Variants in BICC1 observed in about 807,000 individuals in gnomAD.
The protein encoded by BICC1 is BicC family RNA binding protein 1, also known as protein bicaudal C homolog 1.
BICC1 carries 43 observed loss-of-function variants against 111.0 expected under a neutral mutation model. The observed-to-expected ratio is 0.39, with a 90% confidence interval of 0.30 to 0.50. BICC1 has a LOEUF of 0.50. BICC1 is among the 20% of genes least tolerant of loss of function. The pLI is 0.88. For synonymous variants in BICC1, 467 were observed against 434.4 expected (o/e 1.07, Z -0.93); for missense variants, 1,091 against 1,203.2 (o/e 0.91, Z 1.38).
chr10:58,611,378 T>C (rs919647002), intron 1 of BICC1, among the ~76,000 whole-genome samples: 4 of 152,208 alleles, frequency 2.6e-5, no homozygotes, highest in Admixed American at 1.3e-4. Context: ...TGTATCCATA[T>C]ATCTAAATAC....
chr10:58,589,877 T>G (rs1318766517), intron 1 of BICC1, among the ~76,000 whole-genome samples: 2 of 152,062 alleles, frequency 1.3e-5, no homozygotes, highest in African/African-American at 4.8e-5. Flanking sequence ...ATGGTCATAG[T>G]GCACTGCAGC....
At chr10:58,678,308 C>T (rs779749199) in intron 2 of BICC1, among the ~76,000 whole-genome samples, 3 of 152,006 alleles carry the variant, frequency 2.0e-5, no homozygotes, top group East Asian at 3.9e-4. Context: ...ACCTGTCTCA[C>T]GTGCAAAGAC....
intron 1 of BICC1, among the ~76,000 whole-genome samples, chr10:58,571,833 A>G (rs545014779): frequency 6.6e-6 from 1 of 152,224 alleles, no homozygotes; most frequent in South Asian, 2.1e-4. Context: ...AGAACGATTT[A>G]TATTCCTTTG....
rs143559335 is a variant in BICC1 at position 58,798,485 on chromosome 10, T to A, written c.1453T>A (p.Leu485Met). 27 of 1,613,302 alleles carry A rather than the reference T, an allele frequency of 1.7e-5. No homozygotes were observed. The African/African-American group carries it at 3.5e-4, about 21-fold the overall frequency. Residue 485 changes from leucine (L) to methionine (M), a missense_variant, in exon 11 of 21, where the codon TTG (leucine) becomes ATG (methionine). Leu to Met is a conservative substitution (Grantham distance 15). Around this residue, in one of 3 missense-constraint regions of BICC1, gnomAD observed 843 missense variants for 900.8 expected, o/e 0.94. Coordinates refer to ENST00000373886, the MANE Select transcript of BICC1 (RefSeq NM_001080512.3). Reference sequence around the variant, plus strand: ...TGCTCTTAATAGCTCAGTCAGTCCTTTGCAAAGTCCAAGTTCTGGTACACC... The same window carrying A: ...TGCTCTTAATAGCTCAGTCAGTCCTATGCAAAGTCCAAGTTCTGGTACACC... ...LNALNSSVSP[L>M]QSPSSGTPSP...
At chr10:58,753,743 T>G (rs1842058538) in intron 3 of BICC1, among the ~76,000 whole-genome samples, 1 of 151,976 alleles carries the variant, frequency 6.6e-6, no homozygotes, top group African/African-American at 2.4e-5. Flanking sequence ...CATCCCTCCT[T>G]TATATTTTTC....
At chr10:58,688,379 T>G (rs1264322056) in intron 2 of BICC1, among the ~76,000 whole-genome samples, 1 of 151,996 alleles carries the variant, frequency 6.6e-6, no homozygotes, top group Non-Finnish European at 1.5e-5. Flanking sequence ...TTTTACAGAG[T>G]GCTGATTGGT....
chr10:58,604,764 T>C (rs184349805), intron 1 of BICC1, among the ~76,000 whole-genome samples: 41 of 152,322 alleles, frequency 2.7e-4, no homozygotes, highest in Admixed American at 1.1e-3. Context: ...GGTGTCTTAG[T>C]CTGTTTGGGC....
At chr10:58,621,442 A>G (rs1239751147) in intron 2 of BICC1, among the ~76,000 whole-genome samples, 3 of 152,146 alleles carry the variant, frequency 2.0e-5, no homozygotes, top group African/African-American at 7.2e-5. Flanking sequence ...TTAATCTCCA[A>G]CTTATACTGA....
At chr10:58,520,169 G>A (rs543078541) in intron 1 of BICC1, among the ~76,000 whole-genome samples, 1 of 152,152 alleles carries the variant, frequency 6.6e-6, no homozygotes, top group Non-Finnish European at 1.5e-5. Context: ...CTCATTCTTA[G>A]TTCGTTTTAA....
At chr10:58,787,343 C>A (rs1489671368) in intron 5 of BICC1, among the ~76,000 whole-genome samples, 1 of 152,064 alleles carries the variant, frequency 6.6e-6, no homozygotes, top group African/African-American at 2.4e-5. Context: ...CAAAACAAAA[C>A]CTTAAAGAAA....
At chr10:58,689,256 A>G (rs769246655) in intron 2 of BICC1, among the ~76,000 whole-genome samples, 21 of 152,142 alleles carry the variant, frequency 1.4e-4, no homozygotes, top group Admixed American at 3.3e-4. Context: ...TGGTAAGAGA[A>G]AGAGAGAACT....
chr10:58,813,546 GA>G (rs1017805940), intron 17 of BICC1, among the ~76,000 whole-genome samples: 16 of 152,262 alleles, frequency 1.1e-4, no homozygotes, highest in Admixed American at 7.8e-4. Flanking sequence ...AAATTTTATA[GA>G]AGGGATTATT....
rs555194277 is a variant in BICC1 at position 58,734,640 on chromosome 10, T to C, written c.307+32497T>C. On this transcript the variant is annotated intron_variant, in intron 3 of 20. Coordinates refer to ENST00000373886, the MANE Select transcript of BICC1 (RefSeq NM_001080512.3). Reference sequence around the variant, plus strand: ...TGGGTTTTCAGGAAATTGGTGGTAATCTTGTATTAGCTGAAAAAAAGTGAA... The same window carrying C: ...TGGGTTTTCAGGAAATTGGTGGTAACCTTGTATTAGCTGAAAAAAAGTGAA... 3.3e-5 allele frequency among the ~76,000 whole-genome samples: 5 copies of C among 152,308 alleles called. No homozygotes were observed. The East Asian group carries it at 9.6e-4, about 29-fold the overall frequency.
intron 2 of BICC1, among the ~76,000 whole-genome samples, chr10:58,626,934 G>T (rs560983220): frequency 3.4e-4 from 52 of 152,156 alleles, no homozygotes; most frequent in African/African-American, 1.2e-3. Context: ...GAGAAACCCC[G>T]TCTCTGATAA....
chr10:58,659,848 G>A (rs1838783358), intron 2 of BICC1, among the ~76,000 whole-genome samples: 1 of 152,148 alleles, frequency 6.6e-6, no homozygotes, highest in Non-Finnish European at 1.5e-5. Context: ...AGAAGCACTT[G>A]AGAAGAAGGT....
At chr10:58,696,947 A>G (rs1246752493) in intron 2 of BICC1, among the ~76,000 whole-genome samples, 2 of 152,078 alleles carry the variant, frequency 1.3e-5, no homozygotes, top group South Asian at 2.1e-4. Context: ...AGACGACATC[A>G]TTTTCTTCGT....
intron 12 of BICC1, among the ~76,000 whole-genome samples, chr10:58,799,946 G>A (rs1843486911): frequency 6.6e-6 from 1 of 152,078 alleles, no homozygotes; most frequent in Non-Finnish European, 1.5e-5. Context: ...TGGGCAGTAT[G>A]GCCAGTTTAA....
chr10:58,513,079 G>T lies in BICC1; in HGVS notation c.-65G>T, dbSNP rs1842138335. 8.1e-7 allele frequency: 1 copy of T among 1,242,200 alleles called. No individual in the cohort carries two copies. The highest frequency in any genetic ancestry group is 1.0e-6 in the Non-Finnish European group (1 of 981,244). The allele number at this position is 1,242,200 out of a possible 1,614,324, so 76.9% of individuals were successfully genotyped here. On this transcript the variant is annotated 5_prime_UTR_variant, in exon 1 of 21. Coordinates refer to ENST00000373886, the MANE Select transcript of BICC1 (RefSeq NM_001080512.3). ...TGGGAGCCAGTTGAGCCCGGCCGGC[G>T]AGCGGAGGCGGCAGCGCAGGCAGAG...
intron 1 of BICC1, among the ~76,000 whole-genome samples, chr10:58,576,473 T>C (rs545076602): frequency 6.6e-6 from 1 of 152,326 alleles, no homozygotes; most frequent in African/African-American, 2.4e-5. Context: ...ACACGGTTCA[T>C]GTACAAGCAA....
Sources: allele counts gnomAD v4.1 joint callset (sites outside exome capture counted in the v4.1 genomes callset), GRCh38; gene constraint gnomAD v4.1.1; regional missense constraint gnomAD v4.1.1; transcripts MANE v1.5; gene names NCBI Gene and HGNC (gene_info 2026-07-23, HGNC 2026-07-21).